PCCA: variants seen among roughly 807,000 people sequenced by gnomAD.
The protein encoded by PCCA is propionyl-CoA carboxylase alpha chain, mitochondrial.
A neutral mutation model predicts 101.3 loss-of-function variants in PCCA; 74 were observed. The observed-to-expected ratio is 0.73, with a 90% CI of 0.61 to 0.89. The LOEUF is 0.89. PCCA is among the 40% of genes least tolerant of loss of function. The probability of loss-of-function intolerance (pLI) is 0.00; values close to 1 mark genes in which losing one functional copy is unlikely to be tolerated. For missense variants in PCCA, 891 were observed against 907.0 expected, an observed-to-expected ratio of 0.98 and a Z score of 0.23; for synonymous variants, 294 against 313.6, an observed-to-expected ratio of 0.94 and a Z score of 0.66.
intron 12 of PCCA, among the ~76,000 whole-genome samples, chr13:100,293,905 A>G (rs2065319268): frequency 6.6e-6 from 1 of 152,178 alleles, no homozygotes; most frequent in African/African-American, 2.4e-5. Context: ...CATATTGTAA[A>G]TGATATTGCT....
At chr13:100,296,842 G>A (rs1317913232) in intron 12 of PCCA, among the ~76,000 whole-genome samples, 1 of 151,822 alleles carries the variant, frequency 6.6e-6, no homozygotes, top group East Asian at 1.9e-4. Flanking sequence ...TCCAATTTAG[G>A]GACTATATTC....
intron 21 of PCCA, among the ~76,000 whole-genome samples, chr13:100,451,091 G>A (rs2081191143): frequency 6.6e-6 from 1 of 152,206 alleles, no homozygotes; most frequent in South Asian, 2.1e-4. Context: ...CAGTCCACTG[G>A]CTGAAGCCCT....
intron 16 of PCCA, among the ~76,000 whole-genome samples, chr13:100,318,229 C>T (rs1428283885): frequency 2.0e-5 from 3 of 152,104 alleles, no homozygotes; most frequent in African/African-American, 7.2e-5. Flanking sequence ...CAGCACCGTT[C>T]TCTCCTTTGC....
chr13:100,461,170 G>T (rs1342397978), intron 21 of PCCA, among the ~76,000 whole-genome samples: 3 of 152,204 alleles, frequency 2.0e-5, no homozygotes, highest in African/African-American at 7.2e-5. Context: ...ACCTCCCCGT[G>T]GGGTTGTTAT....
chr13:100,295,554 A>G (rs1449526337), intron 12 of PCCA, among the ~76,000 whole-genome samples: 2 of 152,196 alleles, frequency 1.3e-5, no homozygotes, highest in Non-Finnish European at 2.9e-5. Context: ...TCACCACACC[A>G]TATCTTGAGA....
chr13:100,188,756 A>G (rs2057516073), intron 6 of PCCA, among the ~76,000 whole-genome samples: 1 of 152,158 alleles, frequency 6.6e-6, no homozygotes, highest in African/African-American at 2.4e-5. Context: ...CCATTCTTGC[A>G]GGAGTAAGGT....
intron 23 of PCCA, 112 bp downstream of exon 23, chr13:100,527,864 C>T (rs1341359203): frequency 1.2e-5 from 10 of 811,384 alleles, no homozygotes; most frequent in South Asian, 2.7e-5. Context: ...CTCTCCCCCT[C>T]GCTTCTACAG....
chr13:100,474,755 C>T (rs2083293674), intron 21 of PCCA, among the ~76,000 whole-genome samples: 1 of 152,054 alleles, frequency 6.6e-6, no homozygotes, highest in African/African-American at 2.4e-5. Context: ...TCCCAAAGTG[C>T]TAGGTGTGAG....
intron 12 of PCCA, among the ~76,000 whole-genome samples, chr13:100,284,296 A>G (rs1473954449): frequency 6.6e-6 from 1 of 152,230 alleles, no homozygotes. Context: ...TGGAGCTATT[A>G]TCTACATGAA....
chr13:100,280,185 C>T (rs1338725837), intron 12 of PCCA, among the ~76,000 whole-genome samples: 2 of 152,004 alleles, frequency 1.3e-5, no homozygotes, highest in African/African-American at 4.8e-5. Context: ...AATCTGGTCA[C>T]AGTTTATGTA....
intron 20 of PCCA, among the ~76,000 whole-genome samples, chr13:100,436,627 G>C (rs894822328): frequency 3.9e-5 from 6 of 152,186 alleles, no homozygotes; most frequent in Non-Finnish European, 8.8e-5. Flanking sequence ...TCCTGCCTCA[G>C]TGCTATCATT....
chr13:100,425,268 A>G (rs1329695633), intron 19 of PCCA, among the ~76,000 whole-genome samples: 1 of 152,254 alleles, frequency 6.6e-6, no homozygotes, highest in Non-Finnish European at 1.5e-5. Context: ...TGGAGAGGAT[A>G]TTATATGCAA....
At chr13:100,352,678 G>A (rs907594818) in intron 18 of PCCA, among the ~76,000 whole-genome samples, 1 of 151,758 alleles carries the variant, frequency 6.6e-6, no homozygotes. Context: ...ATAGGCATGA[G>A]TCAACACACC....
At chr13:100,156,659 GA>G (rs926494953) in intron 5 of PCCA, among the ~76,000 whole-genome samples, 5 of 151,804 alleles carry the variant, frequency 3.3e-5, no homozygotes, top group Admixed American at 6.6e-5. Context: ...GACATTAGAA[GA>G]AAAAAAATTC....
At chr13:100,180,435 C>G (rs1344762434) in intron 6 of PCCA, among the ~76,000 whole-genome samples, 1 of 152,156 alleles carries the variant, frequency 6.6e-6, no homozygotes, top group African/African-American at 2.4e-5. Context: ...TAATCTAATA[C>G]CAAGATCCAA....
chr13:100,503,495 C>A (rs113860767), intron 21 of PCCA, among the ~76,000 whole-genome samples: 2,118 of 151,638 alleles, frequency 0.014, 31 homozygotes, highest in Non-Finnish European at 0.02. Context: ...CATCCCCCCC[C>A]AAAAAAGAAA....
At chr13:100,208,795 A>G (rs1196983203) in intron 6 of PCCA, among the ~76,000 whole-genome samples, 1 of 152,152 alleles carries the variant, frequency 6.6e-6, no homozygotes, top group African/African-American at 2.4e-5. Context: ...CAGGATGCAA[A>G]CATGTACTTT....
chr13:100,347,008 G>A (rs7330143), intron 18 of PCCA, among the ~76,000 whole-genome samples: 2,136 of 152,144 alleles, frequency 0.014, 47 homozygotes, highest in African/African-American at 0.049. Flanking sequence ...CAAGTAGCTG[G>A]GACTACAGGC....
chr13:100,118,781 T>A (rs1658325517), intron 4 of PCCA, among the ~76,000 whole-genome samples: 1 of 152,144 alleles, frequency 6.6e-6, no homozygotes, highest in Non-Finnish European at 1.5e-5. Context: ...ACTCCTGGGC[T>A]CAAGAGATCC....
Sources: allele counts gnomAD v4.1 joint callset (sites outside exome capture counted in the v4.1 genomes callset), GRCh38; gene constraint gnomAD v4.1.1; transcripts MANE v1.5; gene names NCBI Gene and HGNC (gene_info 2026-07-23, HGNC 2026-07-21).